GLCE: variants seen among roughly 807,000 people sequenced by gnomAD.
The protein encoded by GLCE is D-glucuronyl C5-epimerase.
A neutral mutation model predicts 47.9 loss-of-function variants in GLCE; 19 were observed. The ratio of observed to expected loss-of-function variants is 0.40; its 90% CI spans 0.28 to 0.58. The LOEUF (loss-of-function observed/expected upper bound fraction) is 0.58. GLCE is among the 20% of genes least tolerant of loss of function. The pLI is 0.48. For synonymous variants in GLCE, 245 were observed against 263.4 expected, an observed-to-expected ratio of 0.93 and a Z score of 0.68; for missense variants, 556 against 743.3, an observed-to-expected ratio of 0.75 and a Z score of 2.93.
At chr15:69,220,675 A>G (rs2052366640) in intron 2 of GLCE, among the ~76,000 whole-genome samples, 1 of 152,060 alleles carries the variant, frequency 6.6e-6, no homozygotes, top group South Asian at 2.1e-4. Flanking sequence ...TATATTCTGG[A>G]TATTAATCCC....
chr15:69,239,765 G>A (rs1228079037), intron 2 of GLCE, among the ~76,000 whole-genome samples: 1 of 151,928 alleles, frequency 6.6e-6, no homozygotes, highest in African/African-American at 2.4e-5. Context: ...TGGGGACTAG[G>A]GAGCCAATTC....
Position 69,261,264 on chromosome 15 carries a change from G to T in GLCE, c.764G>T (p.Gly255Val), listed in dbSNP as rs748496849. ...CCTAATGACTGGACTGTGCCAAAGG[G>T]CTGCTTTATGGCGAATGTGGCTGAT... ...NKPNDWTVPK[G>V]CFMANVADKS... is the part of the protein sequence containing the mutation. The change falls in exon 4 of 5, where the codon GGC becomes GTC. Residue 255 changes from glycine (G) to valine (V), a missense_variant. Transcript: ENST00000261858. 6 of 1,613,918 alleles carry T rather than the reference G, an allele frequency of 3.7e-6. No individual in the cohort carries two copies. The Admixed American group carries it at 5.0e-5, about 13-fold the overall frequency.
At chr15:69,199,017 T>C (rs2052037586) in intron 1 of GLCE, among the ~76,000 whole-genome samples, 1 of 152,168 alleles carries the variant, frequency 6.6e-6, no homozygotes, top group African/African-American at 2.4e-5. Flanking sequence ...ACTTGTTGAA[T>C]GAATTAACCT....
intron 2 of GLCE, among the ~76,000 whole-genome samples, chr15:69,240,743 T>C (rs539024415): frequency 9.2e-5 from 14 of 152,120 alleles, no homozygotes; most frequent in African/African-American, 3.4e-4. Context: ...AGACTACAAA[T>C]TTGAGAAGCT....
intron 1 of GLCE, among the ~76,000 whole-genome samples, chr15:69,172,235 T>C (rs1212364926): frequency 6.6e-6 from 1 of 152,180 alleles, no homozygotes; most frequent in Non-Finnish European, 1.5e-5. Context: ...CAGACAATAA[T>C]AGACTGATAT....
intron 1 of GLCE, among the ~76,000 whole-genome samples, chr15:69,205,882 A>G (rs1164797217): frequency 6.6e-6 from 1 of 152,102 alleles, no homozygotes; most frequent in Non-Finnish European, 1.5e-5. Flanking sequence ...AGATAATACA[A>G]AGAGTTTTAT....
chr15:69,179,229 G>A (rs756676274), intron 1 of GLCE, among the ~76,000 whole-genome samples: 2 of 152,156 alleles, frequency 1.3e-5, no homozygotes, highest in Non-Finnish European at 2.9e-5. Flanking sequence ...GTTTGGTTGT[G>A]TACACTTTTA....
At chr15:69,224,967 A>G (rs1228512647) in intron 2 of GLCE, among the ~76,000 whole-genome samples, 1 of 152,222 alleles carries the variant, frequency 6.6e-6, no homozygotes, top group Non-Finnish European at 1.5e-5. Flanking sequence ...TTATGTTAAT[A>G]GTAAACTCAA....
At chr15:69,195,795 T>C (rs184112873) in intron 1 of GLCE, among the ~76,000 whole-genome samples, 34 of 152,262 alleles carry the variant, frequency 2.2e-4, no homozygotes, top group African/African-American at 7.7e-4. Context: ...TACTCCCCTA[T>C]ATTACATTAA....
At chr15:69,241,063 A>ATCG (rs1222795469) in intron 2 of GLCE, among the ~76,000 whole-genome samples, 7 of 152,204 alleles carry the variant, frequency 4.6e-5, no homozygotes, top group African/African-American at 7.2e-5. Flanking sequence ...TAAAATCATC[A>ATCG]TCGTCGTCGT....
At chr15:69,215,430 G>C (rs2052291800) in intron 2 of GLCE, among the ~76,000 whole-genome samples, 1 of 151,970 alleles carries the variant, frequency 6.6e-6, no homozygotes, top group African/African-American at 2.4e-5. Flanking sequence ...TTGCTGAGTA[G>C]TATTCTATTA....
chr15:69,262,800 G>C (rs1169156860), intron 4 of GLCE, among the ~76,000 whole-genome samples: 1 of 152,190 alleles, frequency 6.6e-6, no homozygotes, highest in East Asian at 1.9e-4. Context: ...GCTGTTCTAA[G>C]TTGGAACTCC....
intron 4 of GLCE, among the ~76,000 whole-genome samples, chr15:69,263,439 C>G (rs1218778061): frequency 6.7e-6 from 1 of 149,428 alleles, no homozygotes; most frequent in East Asian, 1.9e-4. Context: ...TTTTTTTTTT[C>G]TTTCTTGGCC....
intron 2 of GLCE, among the ~76,000 whole-genome samples, chr15:69,250,648 G>T (rs1168424994): frequency 6.6e-6 from 1 of 151,664 alleles, no homozygotes; most frequent in East Asian, 1.9e-4. Context: ...TAGGCAACTT[G>T]GTGGTTCTCT....
At chr15:69,165,701 C>A (rs551560666) in intron 1 of GLCE, among the ~76,000 whole-genome samples, 1 of 152,160 alleles carries the variant, frequency 6.6e-6, no homozygotes, top group Admixed American at 6.5e-5. Flanking sequence ...CTCCTGGACT[C>A]AAAGGCAGGT....
rs1189250411 is a variant in GLCE, at chr15:69,270,524, A to G, written c.*1280A>G. On this transcript the variant is annotated 3_prime_UTR_variant, in exon 5 of 5. Coordinates refer to ENST00000261858, the MANE Select transcript of GLCE (RefSeq NM_015554.3). The stretch of plus-strand genomic sequence containing the variant: ...CGAGGGTTGTTGATTTTGCTGTGAC[A>G]GTACACTAAATCAATACTATATCTT... 6.6e-6 allele frequency: 1 copy of G among 152,200 alleles called. No homozygotes were observed. The highest frequency in any genetic ancestry group is 6.5e-5 in the Admixed American group (1 of 15,278). 9.4% of individuals were successfully genotyped at this position (152,200 alleles called of 1,614,324 possible). A position where few individuals can be genotyped will look rare whatever the true frequency, so the allele number is the denominator to read the frequency against.
At chr15:69,174,966 A>G (rs4776433) in intron 1 of GLCE, among the ~76,000 whole-genome samples, 77,729 of 151,924 alleles carry the variant, frequency 0.51, 23,445 homozygotes, top group Non-Finnish European at 0.65. Flanking sequence ...GCTTTATAAT[A>G]TGTAAGGTTT....
intron 1 of GLCE, among the ~76,000 whole-genome samples, chr15:69,171,498 G>A (rs2051588270): frequency 6.6e-6 from 1 of 151,766 alleles, no homozygotes; most frequent in East Asian, 1.9e-4. Context: ...CCAGGTTCAA[G>A]CAATTCTCTT....
intron 2 of GLCE, among the ~76,000 whole-genome samples, chr15:69,249,859 A>G (rs2052812778): frequency 6.6e-6 from 1 of 152,128 alleles, no homozygotes; most frequent in Non-Finnish European, 1.5e-5. Flanking sequence ...TTAGAATAGA[A>G]CAATTTGCTT....
Sources: allele counts gnomAD v4.1 joint callset (sites outside exome capture counted in the v4.1 genomes callset), GRCh38; gene constraint gnomAD v4.1.1; transcripts MANE v1.5; gene names NCBI Gene and HGNC (gene_info 2026-07-23, HGNC 2026-07-21).